The following ESR1 variants were observed in gnomAD, a reference collection of about 807,000 sequenced individuals.
ESR1 encodes the protein estrogen receptor 1, also known as estrogen receptor.
In ESR1, 12 loss-of-function variants were observed where a neutral mutation model predicts 52.7. The observed-to-expected ratio is 0.23, with a 90% CI of 0.15 to 0.37. The LOEUF is 0.37. Among genes scored for constraint, ESR1 ranks in the 10% least tolerant of loss-of-function variants. The pLI, the probability that ESR1 is intolerant of heterozygous loss-of-function variation, is 1.00. For synonymous variants in ESR1, 305 were observed against 316.8 expected, an observed-to-expected ratio of 0.96 and a Z score of 0.39; for missense variants, 584 against 779.7, an observed-to-expected ratio of 0.75 and a Z score of 2.99.
intron 3 of ESR1, among the ~76,000 whole-genome samples, chr6:151,940,545 C>G (rs2034931478): frequency 6.6e-6 from 1 of 152,144 alleles, no homozygotes; most frequent in South Asian, 2.1e-4. Context: ...GTGGTGGTTC[C>G]ACTTACTTCT....
chr6:151,698,633 A>G (rs1779546760), intron 1 of ESR1, among the ~76,000 whole-genome samples: 1 of 152,144 alleles, frequency 6.6e-6, no homozygotes. Context: ...TTCTCTTCCA[A>G]GGGGAAATAA....
chr6:151,825,677 C>T (rs1225931436), intron 1 of ESR1, among the ~76,000 whole-genome samples: 1 of 151,934 alleles, frequency 6.6e-6, no homozygotes, highest in Non-Finnish European at 1.5e-5. Context: ...TTTGGGAGGC[C>T]AAGGCAGGTG....
intron 4 of ESR1, among the ~76,000 whole-genome samples, chr6:151,986,117 G>A (rs1336646829): frequency 2.0e-5 from 3 of 152,090 alleles, no homozygotes; most frequent in Admixed American, 2.0e-4. Flanking sequence ...CTGCTGCTGT[G>A]GAGAAGGCGT....
chr6:151,974,866 G>C (rs1164589397), intron 4 of ESR1, among the ~76,000 whole-genome samples: 1 of 152,128 alleles, frequency 6.6e-6, no homozygotes, highest in African/African-American at 2.4e-5. Flanking sequence ...CTCTGTCTCT[G>C]CCTAGCAGCG....
intron 2 of ESR1, among the ~76,000 whole-genome samples, chr6:151,869,101 T>TG (rs1554273157): frequency 6.6e-6 from 1 of 151,220 alleles, no homozygotes; most frequent in Non-Finnish European, 1.5e-5. Context: ...TGTTCAGGGT[T>TG]CTGAGTTTTA....
At chr6:152,116,044 G>A (rs919980154) in intron 6 of ESR1, among the ~76,000 whole-genome samples, 14 of 152,182 alleles carry the variant, frequency 9.2e-5, no homozygotes, top group African/African-American at 2.9e-4. Flanking sequence ...AATAAGTCCC[G>A]TAATTTGGAA....
intron 2 of ESR1, among the ~76,000 whole-genome samples, chr6:151,716,570 C>T (rs374094819): frequency 2.0e-5 from 3 of 152,302 alleles, no homozygotes; most frequent in East Asian, 1.9e-4. Flanking sequence ...GCTACAGCAG[C>T]TTTGCTGAGC....
At chr6:151,957,753 G>C (rs543258317) in intron 4 of ESR1, among the ~76,000 whole-genome samples, 1 of 151,804 alleles carries the variant, frequency 6.6e-6, no homozygotes, top group African/African-American at 2.4e-5. Context: ...TATTTCAGAT[G>C]TGACTGTTTT....
intron 2 of ESR1, among the ~76,000 whole-genome samples, chr6:151,751,873 C>T (rs1583124839): frequency 6.6e-6 from 1 of 152,274 alleles, no homozygotes; most frequent in Admixed American, 6.5e-5. Context: ...TGCATGGTTA[C>T]AGGGCTCAAA....
chr6:152,116,188 T>A (rs1243757900), intron 6 of ESR1, among the ~76,000 whole-genome samples: 1 of 152,204 alleles, frequency 6.6e-6, no homozygotes, highest in Non-Finnish European at 1.5e-5. Flanking sequence ...AAAAGAAGAA[T>A]GTACATACCT....
chr6:151,873,005 T>C (rs1791229707), intron 2 of ESR1, among the ~76,000 whole-genome samples: 1 of 152,220 alleles, frequency 6.6e-6, no homozygotes, highest in Non-Finnish European at 1.5e-5. Flanking sequence ...TTGGGTTGGC[T>C]GTGTTAATTC....
rs139693316 is a variant in ESR1 at position 151,885,433 on chromosome 6, T to C, written c.760+4662T>C. Reference sequence around the variant, plus strand: ...TATTATTACTCAAGAATGTGGCCTTTTTGCTGAGTTTGGTAGAAAGAGGAA... The same window carrying C: ...TATTATTACTCAAGAATGTGGCCTTCTTGCTGAGTTTGGTAGAAAGAGGAA... On this transcript the variant is annotated intron_variant, in intron 3 of 7. Transcript: ENST00000206249. Among the ~76,000 whole-genome samples the C allele has an allele frequency of 4.9e-3, 741 of 152,272 alleles. 3 individuals are homozygous for C. The highest frequency in any genetic ancestry group is 0.014 in the African/African-American group (599 of 41,540).
chr6:151,787,707 G>A (rs376311164), intron 2 of ESR1, among the ~76,000 whole-genome samples: 5 of 152,206 alleles, frequency 3.3e-5, no homozygotes, highest in East Asian at 3.9e-4. Flanking sequence ...TGTCCTGAGA[G>A]TTTGCTGAAG....
chr6:152,095,532 G>C lies in ESR1; in HGVS notation c.1553+964G>C, dbSNP rs573686606. On this transcript the variant is annotated intron_variant, in intron 7 of 7. Coordinates refer to ENST00000206249, the MANE Select transcript of ESR1 (RefSeq NM_000125.4). ...GACATGTTCTCATCGCAATGGCAGA[G>C]GCATGAGAAAGTGATCCTGTTTGGG... 5.6e-4 allele frequency among the ~76,000 whole-genome samples: 85 copies of C among 152,306 alleles called. No homozygotes were observed. The South Asian group carries it at 5.6e-3, about 10-fold the overall frequency.
chr6:152,082,311 C>T (rs555871533), intron 6 of ESR1, among the ~76,000 whole-genome samples: 195 of 152,236 alleles, frequency 1.3e-3, no homozygotes, highest in Non-Finnish European at 1.5e-3. Context: ...GTTCAACATA[C>T]GCAAATAAAT....
chr6:151,754,152 CA>C (rs1194850029), intron 2 of ESR1, among the ~76,000 whole-genome samples: 4 of 152,050 alleles, frequency 2.6e-5, no homozygotes, highest in African/African-American at 9.7e-5. Context: ...TTTTGAATTC[CA>C]GTTATAATTT....
In ESR1 at chr6:152,098,666, G is replaced by A; in HGVS notation, c.1554-66G>A. On this transcript the variant is annotated intron_variant, in intron 7 of 7. Transcript: ENST00000206249. The surrounding 1 kb of genome is among the most constrained non-coding windows in gnomAD (Gnocchi z 5.1). ...AGTTCCTCTTCCTTCCCCTTCTAGG[G>A]ATTTCAGCACTCCTGGGGCTCGGGT... 1 of 1,304,932 alleles carries A rather than the reference G, an allele frequency of 7.7e-7. No individual in the cohort carries two copies. Among genetic ancestry groups the A allele is most frequent in the Admixed American group, 1.8e-5 (1 of 54,304 alleles). The allele number at this position is 1,304,932 out of a possible 1,614,324, so 80.8% of individuals were successfully genotyped here.
chr6:151,787,670 C>T (rs1454580819), intron 2 of ESR1, among the ~76,000 whole-genome samples: 2 of 151,994 alleles, frequency 1.3e-5, no homozygotes, highest in South Asian at 2.1e-4. Context: ...TATAGGAAGG[C>T]TAAGTGATTT....
intron 4 of ESR1, among the ~76,000 whole-genome samples, chr6:151,971,542 T>A (rs2038912198): frequency 6.6e-6 from 1 of 152,136 alleles, no homozygotes; most frequent in African/African-American, 2.4e-5. Context: ...CAAAATAGCC[T>A]GCTCCTGAAT....
Sources: gnomAD v4.1 joint callset for allele counts (sites outside exome capture counted in the v4.1 genomes callset) on GRCh38, gnomAD v4.1.1 for gene constraint, Gnocchi (gnomAD v3.1) non-coding constraint, MANE v1.5 for transcripts, NCBI Gene and HGNC (gene_info 2026-07-23, HGNC 2026-07-21) for gene names.